The following CLDN10 variants were observed in gnomAD, a reference collection of about 807,000 sequenced individuals.
CLDN10 encodes the protein claudin 10.
A neutral mutation model predicts 22.9 loss-of-function variants in CLDN10; 15 were observed. The observed-to-expected ratio is 0.65, with a 90% CI of 0.44 to 1.01. The LOEUF is 1.01. CLDN10 is among the 50% of genes least tolerant of loss of function. CLDN10 has a pLI of 0.00. For synonymous variants in CLDN10, 114 were observed against 111.4 expected, an observed-to-expected ratio of 1.02 and a Z score of -0.15; for missense variants, 247 against 287.8, an observed-to-expected ratio of 0.86 and a Z score of 1.03.
intron 1 of CLDN10, among the ~76,000 whole-genome samples, chr13:95,448,675 A>G (rs1330682232): frequency 6.6e-6 from 1 of 151,462 alleles, no homozygotes; most frequent in Non-Finnish European, 1.5e-5. Flanking sequence ...GGGCACCTAG[A>G]AGTGACGTTC....
intron 3 of CLDN10, 25 bp downstream of exon 3, chr13:95,560,488 C>T (rs1315163180): frequency 1.3e-6 from 2 of 1,550,812 alleles, no homozygotes; most frequent in South Asian, 2.2e-5. Context: ...CAGTCTGTTT[C>T]CAGCTCACAG....
chr13:95,450,801 T>C (rs1271067341), intron 1 of CLDN10, among the ~76,000 whole-genome samples: 1 of 152,228 alleles, frequency 6.6e-6, no homozygotes, highest in Non-Finnish European at 1.5e-5. Context: ...TGAGTTTAGA[T>C]TGTGATCAAA....
At chr13:95,483,120 G>A (rs2042767475) in intron 1 of CLDN10, among the ~76,000 whole-genome samples, 1 of 152,236 alleles carries the variant, frequency 6.6e-6, no homozygotes, top group Non-Finnish European at 1.5e-5. Context: ...GAGCTGCTGA[G>A]GAGGGGAGAG....
At position 95,552,809 on chromosome 13, in the gene CLDN10, T is replaced by TACTG; in HGVS notation, c.57_60dup (p.Val21ThrfsTer61). ...TTCATGGTCTCCATCTCAGGCTGGG[T>TACTG]ACTGGTGTCCTCCACGCTGCCCACC... On this transcript the variant is annotated frameshift_variant, in exon 1 of 5. Coordinates refer to ENST00000299339, the MANE Select transcript of CLDN10 (RefSeq NM_006984.5). LOFTEE classifies it high-confidence loss of function. 13 of 1,613,968 alleles carry TACTG rather than the reference T, an allele frequency of 8.1e-6. No individual in the cohort carries two copies. The highest frequency in any genetic ancestry group is 1.0e-5 in the Non-Finnish European group (12 of 1,179,972).
chr13:95,449,471 G>A (rs2042412360), intron 1 of CLDN10, among the ~76,000 whole-genome samples: 3 of 152,096 alleles, frequency 2.0e-5, no homozygotes, highest in South Asian at 2.1e-4. Context: ...GACTGGTCTC[G>A]AACTCCTGAC....
At chr13:95,572,084 C>T (rs943773856) in intron 3 of CLDN10, among the ~76,000 whole-genome samples, 20 of 152,018 alleles carry the variant, frequency 1.3e-4, no homozygotes, top group African/African-American at 3.6e-4. Context: ...GCTGCTCTTT[C>T]CTTTTTCAGC....
At chr13:95,531,474 G>T (rs2043341624) in intron 1 of CLDN10, among the ~76,000 whole-genome samples, 2 of 152,068 alleles carry the variant, frequency 1.3e-5, no homozygotes. Flanking sequence ...CTCTTATCCA[G>T]ATTACAGGAT....
intron 1 of CLDN10, among the ~76,000 whole-genome samples, chr13:95,514,221 T>C (rs912547902): frequency 3.3e-5 from 5 of 152,104 alleles, no homozygotes; most frequent in African/African-American, 1.2e-4. Context: ...ATTACACCAC[T>C]GCACTCCAGC....
At chr13:95,561,083 C>T (rs1306369848) in intron 3 of CLDN10, 1 of 152,188 alleles carries the variant, frequency 6.6e-6, no homozygotes, top group Admixed American at 6.6e-5. Flanking sequence ...TGGGCTGTTG[C>T]TTTTTATAGT....
intron 1 of CLDN10, among the ~76,000 whole-genome samples, chr13:95,452,454 C>T (rs556841795): frequency 5.9e-5 from 9 of 152,282 alleles, no homozygotes; most frequent in Admixed American, 3.9e-4. Context: ...GTCCCTCTCT[C>T]GATTATTAAT....
At chr13:95,561,790 G>T (rs2043716251) in intron 3 of CLDN10, among the ~76,000 whole-genome samples, 1 of 147,018 alleles carries the variant, frequency 6.8e-6, no homozygotes. Flanking sequence ...TTAAGAGTTA[G>T]GGCCTCTTTC....
At chr13:95,496,259 C>G (rs1388654521) in intron 1 of CLDN10, among the ~76,000 whole-genome samples, 1 of 152,174 alleles carries the variant, frequency 6.6e-6, no homozygotes, top group Non-Finnish European at 1.5e-5. Context: ...TCCAGTAGTA[C>G]CTTCCAGTGT....
At chr13:95,567,472 G>A (rs910809185) in intron 3 of CLDN10, among the ~76,000 whole-genome samples, 2 of 152,186 alleles carry the variant, frequency 1.3e-5, no homozygotes, top group Non-Finnish European at 2.9e-5. Context: ...CATTGATTTT[G>A]TATCCTGAAA....
chr13:95,541,867 ATGTT>A (rs2043463511), intron 1 of CLDN10, among the ~76,000 whole-genome samples: 1 of 152,210 alleles, frequency 6.6e-6, no homozygotes, highest in African/African-American at 2.4e-5. Flanking sequence ...AATGTATTCT[ATGTT>A]TGTTACCTCA....
chr13:95,444,950 A>C (rs2042358199), intron 1 of CLDN10, among the ~76,000 whole-genome samples: 1 of 151,966 alleles, frequency 6.6e-6, no homozygotes, highest in Non-Finnish European at 1.5e-5. Context: ...TAATTTTTGT[A>C]TTTTTAGTAG....
At chr13:95,464,901 A>AT (rs1398018376) in intron 1 of CLDN10, among the ~76,000 whole-genome samples, 2 of 151,968 alleles carry the variant, frequency 1.3e-5, no homozygotes, top group Middle Eastern at 3.4e-3. Flanking sequence ...TAATTTTTGT[A>AT]TTTTTTGTAG....
intron 1 of CLDN10, among the ~76,000 whole-genome samples, chr13:95,532,354 A>G (rs1337466494): frequency 6.6e-6 from 1 of 152,222 alleles, no homozygotes; most frequent in Non-Finnish European, 1.5e-5. Context: ...GGCACTTCAC[A>G]AAAGAAGGTA....
intron 1 of CLDN10, among the ~76,000 whole-genome samples, chr13:95,462,382 G>T (rs2042543843): frequency 6.6e-6 from 1 of 152,146 alleles, no homozygotes; most frequent in African/African-American, 2.4e-5. Context: ...TGTAAGGAAA[G>T]TTATTTAAAT....
In CLDN10 at chr13:95,531,079, C is replaced by T. The variant is rs574668592; in HGVS notation, c.215-29053C>T. Among the ~76,000 whole-genome samples the T allele has an allele frequency of 5.3e-5, 8 of 151,774 alleles. No individual in the cohort carries two copies. The East Asian group carries it at 1.6e-3, about 29-fold the overall frequency. On this transcript the variant is annotated intron_variant, in intron 1 of 4. Transcript: ENST00000376873. ...GACTACAGGCGTGTGCCACCACACC[C>T]GGCTTATTTTTTGTATTTTTAGTAA...
Sources: gnomAD v4.1 joint callset for allele counts (sites outside exome capture counted in the v4.1 genomes callset) on GRCh38, gnomAD v4.1.1 for gene constraint, MANE v1.5 for transcripts, NCBI Gene and HGNC (gene_info 2026-07-23, HGNC 2026-07-21) for gene names.